CPLX2: variants seen among roughly 807,000 people sequenced by gnomAD.
CPLX2 encodes complexin 2.
CPLX2 carries 5 observed loss-of-function variants against 16.3 expected under a neutral mutation model. The ratio of observed to expected loss-of-function variants is 0.31; its 90% CI spans 0.16 to 0.64. CPLX2 has a LOEUF of 0.64. CPLX2 is among the 30% of genes least tolerant of loss of function. The probability of loss-of-function intolerance (pLI) is 0.79; values close to 1 mark genes in which losing one functional copy is unlikely to be tolerated. For missense variants in CPLX2, 144 were observed against 181.4 expected, an observed-to-expected ratio of 0.79 and a Z score of 1.18; for synonymous variants, 89 against 73.2, an observed-to-expected ratio of 1.22 and a Z score of -1.10.
At chr5:175,837,244 C>T (rs1241944378) in intron 2 of CPLX2, among the ~76,000 whole-genome samples, 1 of 152,176 alleles carries the variant, frequency 6.6e-6, no homozygotes, top group Non-Finnish European at 1.5e-5. Context: ...AGAAAGGCCT[C>T]GGGGCAACCC....
chr5:175,869,145 C>G (rs1759532511), upstream of CPLX2, among the ~76,000 whole-genome samples: 3 of 152,208 alleles, frequency 2.0e-5, no homozygotes, highest in Non-Finnish European at 4.4e-5. Context: ...GGAGCAGGTA[C>G]TCATCTCTTC....
intron 2 of CPLX2, among the ~76,000 whole-genome samples, chr5:175,842,646 C>A (rs1036408372): frequency 6.6e-6 from 1 of 152,232 alleles, no homozygotes; most frequent in Non-Finnish European, 1.5e-5. Flanking sequence ...TAATCCTCCT[C>A]CCCTGGCCCC....
Position 175,878,688 on chromosome 5 carries a change from G to A in CPLX2, c.-52G>A, listed in dbSNP as rs1272911963. The stretch of plus-strand genomic sequence containing the variant: ...TTCCCAAGCCAGGCCAGCCAGGAGC[G>A]CTGCATGCAAATTCTGCCGTGGGCT... On this transcript the variant is annotated 5_prime_UTR_variant, in exon 2 of 4. Coordinates refer to ENST00000393745, the MANE Select transcript of CPLX2 (RefSeq NM_001008220.2). The A allele has an allele frequency of 1.2e-6, 2 of 1,601,858 alleles. No individual in the cohort carries two copies. The highest frequency in any genetic ancestry group is 1.7e-6 in the Non-Finnish European group (2 of 1,174,156).
At chr5:175,822,344 T>G (rs1159495315) in intron 2 of CPLX2, among the ~76,000 whole-genome samples, 1 of 152,172 alleles carries the variant, frequency 6.6e-6, no homozygotes, top group African/African-American at 2.4e-5. Context: ...CACGTGGACT[T>G]TGATGTCTAA....
intron 2 of CPLX2, among the ~76,000 whole-genome samples, chr5:175,825,668 T>C (rs1402584375): frequency 6.6e-6 from 1 of 152,124 alleles, no homozygotes; most frequent in Non-Finnish European, 1.5e-5. Context: ...TCTCTGCCTG[T>C]AGCTTGAATG....
chr5:175,846,140 C>G lies in CPLX2; in HGVS notation c.-88-32512C>G, dbSNP rs555192923. Reference sequence around the variant, plus strand: ...ACACAAACACACACACCCGCACCCCCCTGCCTGGCCAAGTCCTCCCCAAGG... The same window carrying G: ...ACACAAACACACACACCCGCACCCCGCTGCCTGGCCAAGTCCTCCCCAAGG... On this transcript the variant is annotated intron_variant, in intron 2 of 4. Transcript: ENST00000359546. Among the ~76,000 whole-genome samples the G allele has an allele frequency of 4.0e-3, 602 of 152,294 alleles. 7 individuals are homozygous for G. The highest frequency in any genetic ancestry group is 7.4e-3 in the Non-Finnish European group (506 of 68,024).
chr5:175,800,235 C>T (rs974246088), intron 1 of CPLX2, among the ~76,000 whole-genome samples: 7 of 152,198 alleles, frequency 4.6e-5, no homozygotes, highest in African/African-American at 1.7e-4. Context: ...GCCAGTCAGG[C>T]TTTCCACTTT....
At chr5:175,876,142 C>T (rs533045412) in intron 1 of CPLX2, among the ~76,000 whole-genome samples, 45 of 152,310 alleles carry the variant, frequency 3.0e-4, no homozygotes, top group African/African-American at 1.1e-3. Context: ...TATACCCCCA[C>T]ACTCACATAC....
At position 175,857,526 on chromosome 5, in the gene CPLX2, C is replaced by T. The variant is rs568525213; in HGVS notation, c.-88-21126C>T. Among the ~76,000 whole-genome samples the T allele has an allele frequency of 4.6e-5, 7 of 152,328 alleles. No homozygotes were observed. The South Asian group carries it at 6.2e-4, about 14-fold the overall frequency. On this transcript the variant is annotated intron_variant, in intron 2 of 4. Coordinates refer to the CPLX2 transcript ENST00000359546. ...ATTGCTGAACCTAGTCTACCTTAAA[C>T]GTGCTCAGACACTTACGTTAGCCCA...
At chr5:175,817,895 C>G (rs548359447) in intron 2 of CPLX2, among the ~76,000 whole-genome samples, 1 of 152,332 alleles carries the variant, frequency 6.6e-6, no homozygotes, top group South Asian at 2.1e-4. Context: ...CTCAGGAAGA[C>G]TGCCACAGGA....
At chr5:175,878,369 T>C (rs1164056922) in intron 1 of CPLX2, 1 of 281,338 alleles carries the variant, frequency 3.6e-6, no homozygotes. Flanking sequence ...TTCCAGGCTC[T>C]TTCCAATGCT....
Position 175,880,054 on chromosome 5 carries a change from C to A in CPLX2, c.*9C>A, listed in dbSNP as rs1418949924. ...ACATGTTCAAGAAGTAACCAGGCCTCCTGCCCCAGCCTACTCCACCTGTTA... is the reference window on the plus strand; with the variant it reads ...ACATGTTCAAGAAGTAACCAGGCCTACTGCCCCAGCCTACTCCACCTGTTA... On this transcript the variant is annotated 3_prime_UTR_variant, in exon 4 of 4. Coordinates refer to ENST00000393745, the MANE Select transcript of CPLX2 (RefSeq NM_001008220.2). 1 of 1,607,820 alleles carries A rather than the reference C, an allele frequency of 6.2e-7. No homozygotes were observed. The highest frequency in any genetic ancestry group is 8.5e-7 in the Non-Finnish European group (1 of 1,177,040).
intron 2 of CPLX2, among the ~76,000 whole-genome samples, chr5:175,825,446 T>A (rs912168860): frequency 1.3e-5 from 2 of 151,570 alleles, no homozygotes; most frequent in Non-Finnish European, 1.5e-5. Context: ...TACTTAGAAA[T>A]GGCATCCTCT....
At chr5:175,846,975 C>T (rs563193027) in intron 2 of CPLX2, among the ~76,000 whole-genome samples, 1 of 152,200 alleles carries the variant, frequency 6.6e-6, no homozygotes, top group Non-Finnish European at 1.5e-5. Context: ...CTCTGAACCT[C>T]GGCCTCCTCA....
At chr5:175,850,449 T>C (rs1420531937) in intron 2 of CPLX2, among the ~76,000 whole-genome samples, 1 of 152,164 alleles carries the variant, frequency 6.6e-6, no homozygotes, top group Admixed American at 6.5e-5. Flanking sequence ...AGAGCCGCAC[T>C]GGGAAGGACC....
intron 2 of CPLX2, among the ~76,000 whole-genome samples, chr5:175,829,273 G>T (rs966807799): frequency 6.6e-6 from 1 of 152,230 alleles, no homozygotes; most frequent in African/African-American, 2.4e-5. Flanking sequence ...GGCTCAGCGA[G>T]GCCAGCAATT....
intron 1 of CPLX2, among the ~76,000 whole-genome samples, chr5:175,805,168 T>C (rs954958859): frequency 3.3e-5 from 5 of 152,178 alleles, no homozygotes; most frequent in African/African-American, 4.8e-5. Flanking sequence ...ATCAATAACA[T>C]TCATATTAAT....
At position 175,882,009 on chromosome 5, in the gene CPLX2, G is replaced by C. The variant is rs1000059782; in HGVS notation, c.*1964G>C. The C allele has an allele frequency of 1.3e-5, 2 of 152,648 alleles. No individual in the cohort carries two copies. Among genetic ancestry groups the C allele is most frequent in the Non-Finnish European group, 2.9e-5 (2 of 68,058 alleles). 9.5% of individuals were successfully genotyped at this position (152,648 alleles called of 1,614,324 possible). ...TTAGACTGCAATACTTTAAACACGA[G>C]ACAAAACAATCCATATGTTTAGGGA... is the stretch of plus-strand genomic sequence containing the variant. On this transcript the variant is annotated 3_prime_UTR_variant, in exon 4 of 4. Transcript: ENST00000393745.
At chr5:175,852,172 C>T (rs543993791) in intron 2 of CPLX2, among the ~76,000 whole-genome samples, 4 of 152,322 alleles carry the variant, frequency 2.6e-5, no homozygotes, top group African/African-American at 7.2e-5. Flanking sequence ...TCCAGGAACA[C>T]TCTGATAGCC....
Sources: allele counts gnomAD v4.1 joint callset (sites outside exome capture counted in the v4.1 genomes callset), GRCh38; gene constraint gnomAD v4.1.1; transcripts MANE v1.5; gene names NCBI Gene and HGNC (gene_info 2026-07-23, HGNC 2026-07-21).